Variants in PDE4D observed in about 807,000 individuals in gnomAD.
The protein encoded by PDE4D is 3',5'-cyclic-AMP phosphodiesterase 4D.
In PDE4D, 24 loss-of-function variants were observed where a neutral mutation model predicts 87.4. The ratio of observed to expected loss-of-function variants is 0.27; its 90% CI spans 0.20 to 0.39. The LOEUF (loss-of-function observed/expected upper bound fraction) is 0.39, where lower values mean the gene tolerates loss of function less well. Ranked by LOEUF, PDE4D falls within the 10% of genes least tolerant of loss-of-function variation. PDE4D has a pLI of 1.00. For synonymous variants in PDE4D, 384 were observed against 383.2 expected, an observed-to-expected ratio of 1.00 and a Z score of -0.02; for missense variants, 714 against 1,041.0, an observed-to-expected ratio of 0.69 and a Z score of 4.32.
intron 1 of PDE4D, among the ~76,000 whole-genome samples, chr5:60,477,697 C>G (rs145284680): frequency 6.6e-6 from 1 of 152,170 alleles, no homozygotes; most frequent in Admixed American, 6.5e-5. Context: ...AAATGTGACA[C>G]ACAAAGAGAC....
chr5:59,321,863 C>A (rs1049942029), intron 1 of PDE4D, among the ~76,000 whole-genome samples: 1 of 152,080 alleles, frequency 6.6e-6, no homozygotes, highest in East Asian at 1.9e-4. Context: ...TACACGCATG[C>A]GCACTTGTGC....
At chr5:60,476,799 C>T (rs1379910732) in intron 1 of PDE4D, among the ~76,000 whole-genome samples, 1 of 152,178 alleles carries the variant, frequency 6.6e-6, no homozygotes, top group African/African-American at 2.4e-5. Flanking sequence ...AGCACCTCCG[C>T]CATCATTCCC....
intron 6 of PDE4D, among the ~76,000 whole-genome samples, chr5:58,994,362 T>G (rs1748657664): frequency 6.6e-6 from 1 of 152,166 alleles, no homozygotes; most frequent in Non-Finnish European, 1.5e-5. Flanking sequence ...CAGCTGTTTC[T>G]TAAGCATTAA....
intron 2 of PDE4D, among the ~76,000 whole-genome samples, chr5:60,148,880 C>CATAT (rs1781249294): frequency 6.6e-6 from 1 of 152,116 alleles, no homozygotes; most frequent in Non-Finnish European, 1.5e-5. Context: ...ATGGGAAACT[C>CATAT]AAATGCTTAT....
chr5:59,484,548 T>G (rs1804782759), intron 1 of PDE4D, among the ~76,000 whole-genome samples: 1 of 152,148 alleles, frequency 6.6e-6, no homozygotes, highest in Non-Finnish European at 1.5e-5. Flanking sequence ...CTTATTTTCC[T>G]TCTAGAACAA....
At chr5:59,642,110 A>C (rs1741682578) in intron 1 of PDE4D, among the ~76,000 whole-genome samples, 1 of 152,132 alleles carries the variant, frequency 6.6e-6, no homozygotes, top group Non-Finnish European at 1.5e-5. Context: ...AAGGAGATAC[A>C]TATAGAATGA....
chr5:60,218,234 A>G (rs1198683914), intron 1 of PDE4D, among the ~76,000 whole-genome samples: 2 of 152,026 alleles, frequency 1.3e-5, no homozygotes, highest in Non-Finnish European at 2.9e-5. Flanking sequence ...AATCTCACAA[A>G]CACAATATTG....
intron 2 of PDE4D, among the ~76,000 whole-genome samples, chr5:60,175,555 T>C (rs2039629905): frequency 6.6e-6 from 1 of 152,158 alleles, no homozygotes; most frequent in South Asian, 2.1e-4. Flanking sequence ...TAAAGAGGAA[T>C]AGATTGTGAA....
intron 1 of PDE4D, among the ~76,000 whole-genome samples, chr5:60,213,167 T>C (rs150873190): frequency 1.6e-3 from 244 of 152,320 alleles, no homozygotes; most frequent in African/African-American, 5.7e-3. Flanking sequence ...ATTATCAGAC[T>C]ACTTTGCGAT....
intron 1 of PDE4D, among the ~76,000 whole-genome samples, chr5:59,814,043 C>T (rs1470756592): frequency 1.3e-5 from 2 of 152,120 alleles, no homozygotes; most frequent in African/African-American, 2.4e-5. Context: ...GATAATTTAG[C>T]GATTGCGCTT....
At chr5:59,743,647 A>G (rs1418216110) in intron 1 of PDE4D, among the ~76,000 whole-genome samples, 1 of 147,802 alleles carries the variant, frequency 6.8e-6, no homozygotes, top group Non-Finnish European at 1.5e-5. Context: ...AAATAGAACT[A>G]TCTTAAGACA....
chr5:59,337,321 G>C (rs1777837181), intron 1 of PDE4D, among the ~76,000 whole-genome samples: 1 of 135,234 alleles, frequency 7.4e-6, no homozygotes, highest in African/African-American at 2.8e-5. Context: ...GCATTCATAA[G>C]TTCCCCCCCC....
At chr5:59,228,826 T>C (rs930791986) in intron 1 of PDE4D, among the ~76,000 whole-genome samples, 5 of 152,162 alleles carry the variant, frequency 3.3e-5, no homozygotes, top group Non-Finnish European at 5.9e-5. Flanking sequence ...CTGCTCAGCC[T>C]CTTGGTCCCT....
chr5:59,957,566 G>A (rs1268282267), intron 3 of PDE4D, among the ~76,000 whole-genome samples: 1 of 151,882 alleles, frequency 6.6e-6, no homozygotes, highest in Non-Finnish European at 1.5e-5. Flanking sequence ...GTAGTATAGA[G>A]AAAAGGAATA....
intron 1 of PDE4D, among the ~76,000 whole-genome samples, chr5:59,651,066 C>T (rs529382647): frequency 2.2e-4 from 34 of 151,796 alleles, no homozygotes; most frequent in South Asian, 2.1e-3. Flanking sequence ...CCATCCTGGC[C>T]AACATAGTGA....
intron 1 of PDE4D, among the ~76,000 whole-genome samples, chr5:60,342,396 T>TG (rs768638290): frequency 2.9e-4 from 44 of 152,122 alleles, no homozygotes; most frequent in Non-Finnish European, 5.4e-4. Flanking sequence ...TTTGTGACCG[T>TG]GGGGGAGGTT....
chr5:60,080,712 G>A (rs1348488701), intron 2 of PDE4D, among the ~76,000 whole-genome samples: 1 of 152,172 alleles, frequency 6.6e-6, no homozygotes, highest in African/African-American at 2.4e-5. Flanking sequence ...AACCAGCCTT[G>A]CAACTCAGGG....
intron 1 of PDE4D, chr5:60,460,129 T>A (rs1746807913): frequency 6.2e-7 from 1 of 1,601,786 alleles, no homozygotes; most frequent in Admixed American, 1.7e-5. Context: ...TGGTTCCTCA[T>A]GCTGCCTCTT....
intron 1 of PDE4D, among the ~76,000 whole-genome samples, chr5:59,863,337 T>C (rs996903686): frequency 6.6e-6 from 1 of 152,200 alleles, no homozygotes; most frequent in African/African-American, 2.4e-5. Context: ...TATTTATATA[T>C]GTGAATAATA....
Sources: allele counts gnomAD v4.1 joint callset (sites outside exome capture counted in the v4.1 genomes callset), GRCh38; gene constraint gnomAD v4.1.1; transcripts MANE v1.5; gene names NCBI Gene and HGNC (gene_info 2026-07-23, HGNC 2026-07-21).